Variants in NRXN1 observed in about 807,000 individuals in gnomAD.
NRXN1 encodes the protein neurexin 1.
In NRXN1, 39 loss-of-function variants were observed where a neutral mutation model predicts 150.9. The observed-to-expected ratio is 0.26, with a 90% CI of 0.20 to 0.34. The LOEUF (loss-of-function observed/expected upper bound fraction) is 0.34. NRXN1 is among the 10% of genes least tolerant of loss of function. NRXN1 has a pLI of 1.00. For synonymous variants in NRXN1, 924 were observed against 757.0 expected, an observed-to-expected ratio of 1.22 and a Z score of -3.62; for missense variants, 1,815 against 1,949.9, an observed-to-expected ratio of 0.93 and a Z score of 1.30.
chr2:50,023,290 C>T (rs188399890), intron 21 of NRXN1: 1 of 152,150 alleles, frequency 6.6e-6, no homozygotes, highest in Non-Finnish European at 1.5e-5. Context: ...TCTGAAACTC[C>T]TTTAACCTCC....
At chr2:50,225,241 G>A (rs1471977935) in intron 18 of NRXN1, among the ~76,000 whole-genome samples, 1 of 151,860 alleles carries the variant, frequency 6.6e-6, no homozygotes, top group African/African-American at 2.4e-5. Flanking sequence ...AAAACTACCA[G>A]CAGGAGGGCA....
intron 5 of NRXN1, among the ~76,000 whole-genome samples, chr2:50,785,293 CG>C (rs1202331847): frequency 2.0e-5 from 3 of 149,478 alleles, no homozygotes; most frequent in Non-Finnish European, 4.4e-5. Flanking sequence ...CTGTCGCCCC[CG>C]CTGGAGTGCA....
chr2:50,104,923 C>T (rs1558886949), intron 18 of NRXN1, among the ~76,000 whole-genome samples: 1 of 152,060 alleles, frequency 6.6e-6, no homozygotes. Context: ...CAGACCTCCA[C>T]TCCTTTAATT....
At chr2:50,904,990 T>A (rs911239532) in intron 5 of NRXN1, among the ~76,000 whole-genome samples, 21 of 151,944 alleles carry the variant, frequency 1.4e-4, no homozygotes, top group Non-Finnish European at 2.9e-4. Context: ...CATTCATTCA[T>A]TTTTTTTATT....
chr2:50,200,026 A>G (rs1297194203), intron 18 of NRXN1, among the ~76,000 whole-genome samples: 2 of 152,150 alleles, frequency 1.3e-5, no homozygotes, highest in African/African-American at 2.4e-5. Context: ...CTATTAAGGA[A>G]CAGTTACTAT....
chr2:50,307,085 A>G (rs2074689534), intron 17 of NRXN1, among the ~76,000 whole-genome samples: 1 of 152,004 alleles, frequency 6.6e-6, no homozygotes, highest in African/African-American at 2.4e-5. Context: ...CCCGGGTTCA[A>G]GCAATTCTCC....
intron 5 of NRXN1, among the ~76,000 whole-genome samples, chr2:50,830,175 G>A (rs886902581): frequency 6.6e-6 from 1 of 151,942 alleles, no homozygotes; most frequent in African/African-American, 2.4e-5. Flanking sequence ...CTCTTCAATA[G>A]ATTCAGCTAC....
At chr2:50,715,149 A>T (rs1041802788) in intron 5 of NRXN1, among the ~76,000 whole-genome samples, 3 of 152,296 alleles carry the variant, frequency 2.0e-5, no homozygotes, top group African/African-American at 7.2e-5. Context: ...CATCCACTCA[A>T]ATAGTACTGT....
chr2:50,025,534 G>T (rs570773823), intron 21 of NRXN1, among the ~76,000 whole-genome samples: 2 of 152,314 alleles, frequency 1.3e-5, no homozygotes, highest in Non-Finnish European at 1.5e-5. Context: ...AGTAGCTAAA[G>T]AAATTGAGGT....
At chr2:50,687,161 A>G (rs1394149482) in intron 5 of NRXN1, among the ~76,000 whole-genome samples, 1 of 152,166 alleles carries the variant, frequency 6.6e-6, no homozygotes, top group Non-Finnish European at 1.5e-5. Flanking sequence ...TATAGGAAAA[A>G]GTCAGTAGGG....
intron 17 of NRXN1, among the ~76,000 whole-genome samples, chr2:50,313,887 T>C (rs1411652500): frequency 2.6e-5 from 4 of 152,096 alleles, no homozygotes; most frequent in Non-Finnish European, 4.4e-5. Context: ...ACAGGGACTT[T>C]GCCTGCAGCT....
chr2:50,832,115 A>G (rs973196536), intron 5 of NRXN1, among the ~76,000 whole-genome samples: 9 of 152,224 alleles, frequency 5.9e-5, no homozygotes, highest in Non-Finnish European at 1.3e-4. Flanking sequence ...CGAGAAAATC[A>G]ATGCCAGCAG....
At chr2:50,091,677 T>A (rs1158903300) in intron 18 of NRXN1, among the ~76,000 whole-genome samples, 183 bp from the exon 19 acceptor site, 2 of 152,204 alleles carry the variant, frequency 1.3e-5, no homozygotes, top group East Asian at 1.9e-4. Context: ...ATTTAAGACA[T>A]CTCTTTCATG....
chr2:49,990,245 A>G (rs1354595935), intron 21 of NRXN1, among the ~76,000 whole-genome samples: 1 of 152,180 alleles, frequency 6.6e-6, no homozygotes, highest in Non-Finnish European at 1.5e-5. Context: ...TTTCTGTCCC[A>G]GTGAATAACT....
At chr2:50,259,102 C>T (rs959411890) in intron 17 of NRXN1, among the ~76,000 whole-genome samples, 7 of 151,970 alleles carry the variant, frequency 4.6e-5, no homozygotes, top group Non-Finnish European at 8.8e-5. Context: ...GCATTAGCCC[C>T]TAAAAGAGAG....
At chr2:50,477,302 C>T (rs1573149591) in intron 15 of NRXN1, among the ~76,000 whole-genome samples, 1 of 152,010 alleles carries the variant, frequency 6.6e-6, no homozygotes, top group Non-Finnish European at 1.5e-5. Context: ...CAAAGCAAAG[C>T]AGGCTAGGAA....
In NRXN1 at chr2:50,245,403, C is replaced by T. The variant is rs73930322; in HGVS notation, c.3365-8433G>A. ...TCCTAAGAACATCAAATGCTTATGTCTTCCCTTCTGAAACTAGGCTCCCTC... is the reference window on the plus strand; with the variant it reads ...TCCTAAGAACATCAAATGCTTATGTTTTCCCTTCTGAAACTAGGCTCCCTC... On this transcript the variant is annotated intron_variant, in intron 17 of 22. Coordinates refer to ENST00000401669, the MANE Select transcript of NRXN1 (RefSeq NM_001330078.2). Among the ~76,000 whole-genome samples, 346 of 152,026 alleles carry T rather than the reference C, an allele frequency of 2.3e-3. 1 individual carries two copies. The highest frequency in any genetic ancestry group is 8.0e-3 in the African/African-American group (334 of 41,512).
At chr2:50,353,585 A>G (rs928748869) in intron 17 of NRXN1, among the ~76,000 whole-genome samples, 1 of 152,176 alleles carries the variant, frequency 6.6e-6, no homozygotes, top group Admixed American at 6.5e-5. Flanking sequence ...ATGTAATGAA[A>G]TTGGAACCAT....
intron 17 of NRXN1, among the ~76,000 whole-genome samples, chr2:50,249,884 C>T (rs973790234): frequency 2.0e-5 from 3 of 152,074 alleles, no homozygotes; most frequent in Admixed American, 6.6e-5. Flanking sequence ...GTGATCCGCC[C>T]GTCTTGGCCA....
Sources: allele counts gnomAD v4.1 joint callset (sites outside exome capture counted in the v4.1 genomes callset), GRCh38; gene constraint gnomAD v4.1.1; transcripts MANE v1.5; gene names NCBI Gene and HGNC (gene_info 2026-07-23, HGNC 2026-07-21).